Variants in GAB3 observed in about 807,000 individuals in gnomAD.
GAB3 encodes GRB2-associated-binding protein 3.
GAB3 carries 12 observed loss-of-function variants against 40.4 expected under a neutral mutation model. The observed-to-expected ratio is 0.30, with a 90% CI of 0.19 to 0.48. The LOEUF (loss-of-function observed/expected upper bound fraction) is 0.48. Ranked by LOEUF, GAB3 falls within the 20% of genes least tolerant of loss-of-function variation. The pLI is 0.99. For synonymous variants in GAB3, 154 were observed against 176.7 expected (o/e 0.87, Z 1.02); for missense variants, 381 against 461.9 (o/e 0.82, Z 1.61).
chrX:154,734,177 T>G (rs1391478467), intron 1 of GAB3, among the ~76,000 whole-genome samples: 1 of 112,552 alleles, frequency 8.9e-6, no homozygotes, highest in East Asian at 2.8e-4. Flanking sequence ...AGGAACCAAA[T>G]ACTGCCAGAA....
chrX:154,687,633 CAAAAAAAAAAA>C (rs144999605), intron 8 of GAB3, among the ~76,000 whole-genome samples: 1 of 23,407 alleles, frequency 4.3e-5, no homozygotes, highest in Non-Finnish European at 7.9e-5. Context: ...GACTCTGTCT[CAAAAAAAAAAA>C]AAAAAAAAAA....
chrX:154,703,877 T>C (rs1331442665), intron 4 of GAB3, among the ~76,000 whole-genome samples: 2 of 111,281 alleles, frequency 1.8e-5, no homozygotes, highest in East Asian at 5.6e-4. Context: ...GATCCAGCAA[T>C]CCCACTGCTG....
At chrX:154,704,703 G>C (rs2148441035) in intron 4 of GAB3, among the ~76,000 whole-genome samples, 1 of 111,262 alleles carries the variant, frequency 9.0e-6, no homozygotes, top group Non-Finnish European at 1.9e-5. Context: ...ACTAGAGTAA[G>C]AAAAAGCGAA....
rs2148404614 is a variant in GAB3 at position 154,677,275 on chromosome X, G to A, written c.*903C>T. ...GGGAGACAGGATGACTACTCATTTT[G>A]TGTCTGCAGGTGTTTCCCACATGTC... On this transcript the variant is annotated 3_prime_UTR_variant, in exon 10 of 10. Transcript: ENST00000424127. The A allele has an allele frequency of 8.9e-6, 1 of 111,886 alleles. No individual in the cohort carries two copies. The highest frequency in any genetic ancestry group is 3.8e-4 in the South Asian group (1 of 2,633). 9.2% of individuals were successfully genotyped at this position (111,886 alleles called of 1,213,427 possible).
chrX:154,677,043 G>GT lies in GAB3; in HGVS notation c.*1134dup, dbSNP rs1188336744. 2 of 111,407 alleles carry GT rather than the reference G, an allele frequency of 1.8e-5. No individual in the cohort carries two copies. The highest frequency in any genetic ancestry group is 3.9e-4 in the South Asian group (1 of 2,591). 9.2% of individuals were successfully genotyped at this position (111,407 alleles called of 1,213,427 possible). ...GGAAACCTAAGAATGGAATTCATAGGTTTTTTCCTGGTCATTGTGTCTGCT... is the reference window on the plus strand; with the variant it reads ...GGAAACCTAAGAATGGAATTCATAGGTTTTTTTCCTGGTCATTGTGTCTGCT... On this transcript the variant is annotated 3_prime_UTR_variant, in exon 10 of 10. Coordinates refer to ENST00000424127, the MANE Select transcript of GAB3 (RefSeq NM_001081573.3).
chrX:154,691,297 T>G (rs782662038), intron 8 of GAB3, among the ~76,000 whole-genome samples: 1 of 100,572 alleles, frequency 9.9e-6, no homozygotes, highest in African/African-American at 3.6e-5. Flanking sequence ...AGGGATAGCA[T>G]TGGGAGATAT....
chrX:154,715,136 A>G (rs2148459515), intron 2 of GAB3, among the ~76,000 whole-genome samples: 1 of 111,966 alleles, frequency 8.9e-6, no homozygotes, highest in Non-Finnish European at 1.9e-5. Flanking sequence ...CTAGCGTTAG[A>G]GTGTGGATAT....
At chrX:154,713,742 CATATATATATATATATATATAT>C (rs59885867) in intron 2 of GAB3, among the ~76,000 whole-genome samples, 238 of 19,659 alleles carry the variant, frequency 0.012, 6 homozygotes, top group Middle Eastern at 0.062. Flanking sequence ...AACTAACAAA[CATATATATATATATATATATAT>C]ATATATATAT....
intron 6 of GAB3, among the ~76,000 whole-genome samples, chrX:154,698,672 CCTAT>C (rs2070697631): frequency 1.8e-5 from 2 of 112,091 alleles, no homozygotes; most frequent in South Asian, 7.4e-4. Context: ...TCCCTCTTTT[CCTAT>C]CTATCTCTCT....
At chrX:154,744,352 C>T (rs1280192725) in intron 1 of GAB3, among the ~76,000 whole-genome samples, 1 of 109,367 alleles carries the variant, frequency 9.1e-6, no homozygotes, top group African/African-American at 3.4e-5. Flanking sequence ...CGTGCAAGCA[C>T]ATATCAAAAG....
upstream of GAB3, chrX:154,751,407 C>T: frequency 2.7e-6 from 1 of 369,235 alleles, no homozygotes; most frequent in Non-Finnish European, 3.5e-6. Flanking sequence ...GAACCTGTTG[C>T]CCTCATGCCC....
chrX:154,678,223 C>T lies in GAB3; in HGVS notation c.1719G>A (p.Gln573=). The T allele has an allele frequency of 8.3e-7, 1 of 1,202,527 alleles. No individual in the cohort carries two copies. Among genetic ancestry groups the T allele is most frequent in the South Asian group, 1.8e-5 (1 of 56,519 alleles). The change falls in exon 10 of 10, where the codon CAG becomes CAA. Residue 573 remains glutamine (Q), a synonymous_variant. Coordinates refer to ENST00000424127, the MANE Select transcript of GAB3 (RefSeq NM_001081573.3). The part of the protein sequence containing the change: ...QVDEQKTQAL[Q]STKQEWTDER... ...CATCCGTCCACTCCTGTTTTGTGCT[C>T]TGGAGAGCCTGTGTCTTCTGCTCAT...
chrX:154,706,430 T>C (rs1557253633), intron 4 of GAB3, among the ~76,000 whole-genome samples: 1 of 100,601 alleles, frequency 9.9e-6, no homozygotes, highest in Admixed American at 1.0e-4. Context: ...AAAAAAAAAA[T>C]GCTCATGGAT....
intron 8 of GAB3, among the ~76,000 whole-genome samples, chrX:154,693,350 T>C (rs1248706025): frequency 8.9e-6 from 1 of 111,793 alleles, no homozygotes; most frequent in Non-Finnish European, 1.9e-5. Context: ...AAAATCCAAA[T>C]GTCTTCCATG....
intron 8 of GAB3, among the ~76,000 whole-genome samples, chrX:154,685,840 G>A (rs183737555): frequency 7.1e-5 from 8 of 111,930 alleles, no homozygotes; most frequent in Non-Finnish European, 1.3e-4. Flanking sequence ...CATAAATGGT[G>A]CCAACCAATT....
At chrX:154,708,711 C>T (rs2070856712) in intron 4 of GAB3, among the ~76,000 whole-genome samples, 1 of 111,770 alleles carries the variant, frequency 8.9e-6, no homozygotes, top group South Asian at 3.7e-4. Flanking sequence ...ACAAGAAATA[C>T]AAGTGTTGGA....
chrX:154,703,338 A>G, intron 4 of GAB3, among the ~76,000 whole-genome samples: 1 of 112,433 alleles, frequency 8.9e-6, no homozygotes, highest in East Asian at 2.8e-4. Context: ...TAATGAGATC[A>G]TGTCCTTTGC....
chrX:154,699,274 A>G lies in GAB3; in HGVS notation c.1345+20T>C, dbSNP rs782414310. On this transcript the variant is annotated intron_variant, in intron 6 of 9. Coordinates refer to ENST00000424127, the MANE Select transcript of GAB3 (RefSeq NM_001081573.3). The stretch of plus-strand genomic sequence containing the variant: ...CCTTGCTCCCCTACCCCTGTACAGC[A>G]GGCCTGGTCAAGTGCTTACATTTCC... The G allele has an allele frequency of 1.5e-5, 17 of 1,154,687 alleles. No homozygotes were observed. The South Asian group carries it at 3.1e-4, about 21-fold the overall frequency.
intron 1 of GAB3, among the ~76,000 whole-genome samples, chrX:154,720,626 C>CAAA (rs782047643): frequency 1.0e-3 from 32 of 30,560 alleles, no homozygotes; most frequent in Non-Finnish European, 1.6e-3. Context: ...GACTCCGTCT[C>CAAA]AAAAAAAAAA....
Sources: allele counts gnomAD v4.1 joint callset (sites outside exome capture counted in the v4.1 genomes callset), GRCh38; gene constraint gnomAD v4.1.1; transcripts MANE v1.5; gene names NCBI Gene and HGNC (gene_info 2026-07-23, HGNC 2026-07-21).